Variants in LGR5 observed in about 807,000 individuals in gnomAD.
LGR5 encodes the protein leucine rich repeat containing G protein-coupled receptor 5.
Under a neutral mutation model 76.7 loss-of-function variants are expected in LGR5, and 54 were observed. The ratio of observed to expected loss-of-function variants is 0.70; its 90% CI spans 0.57 to 0.88. The LOEUF (loss-of-function observed/expected upper bound fraction) is 0.88, where lower values mean the gene tolerates loss of function less well. Among genes scored for constraint, LGR5 ranks in the 40% least tolerant of loss-of-function variants. The pLI, the probability that LGR5 is intolerant of heterozygous loss-of-function variation, is 0.00. For synonymous variants in LGR5, 406 were observed against 421.9 expected, an observed-to-expected ratio of 0.96 and a Z score of 0.46; for missense variants, 1,078 against 1,073.3, an observed-to-expected ratio of 1.00 and a Z score of -0.06.
chr12:71,444,856 A>G (rs1398815990), intron 1 of LGR5, among the ~76,000 whole-genome samples: 1 of 152,192 alleles, frequency 6.6e-6, no homozygotes, highest in African/African-American at 2.4e-5. Flanking sequence ...CCAAACAATT[A>G]ACCCAATAAA....
intron 2 of LGR5, among the ~76,000 whole-genome samples, chr12:71,519,693 T>C (rs1224984070): frequency 6.6e-6 from 1 of 151,478 alleles, no homozygotes; most frequent in African/African-American, 2.4e-5. Flanking sequence ...AGGCATGGTG[T>C]CATGTGCCTG....
At chr12:71,508,677 C>T (rs1054252488) in intron 2 of LGR5, among the ~76,000 whole-genome samples, 7 of 142,452 alleles carry the variant, frequency 4.9e-5, no homozygotes, top group African/African-American at 1.8e-4. Context: ...TCGCTTGAAC[C>T]TGGGAGACAG....
At chr12:71,571,436 G>A (rs1878605794) in intron 11 of LGR5, 78 bp from the exon 12 acceptor site, 2 of 1,071,332 alleles carry the variant, frequency 1.9e-6, no homozygotes, top group South Asian at 1.4e-5. Context: ...ACATCTTGGA[G>A]GGAAAAGGAG....
At chr12:71,451,179 G>A (rs1378868898) in intron 1 of LGR5, among the ~76,000 whole-genome samples, 1 of 152,194 alleles carries the variant, frequency 6.6e-6, no homozygotes, top group Non-Finnish European at 1.5e-5. Context: ...GAATGGAAGT[G>A]GGGTGCAGAT....
chr12:71,524,638 C>T lies in LGR5; in HGVS notation c.356+161C>T, dbSNP rs1345741332. ...ATTGGTACCATACAGCCATATCACA[C>T]TTGGCTAAATTTGTATGTGAAAAAA... On this transcript the variant is annotated intron_variant, in intron 3 of 17. Coordinates refer to ENST00000266674, the MANE Select transcript of LGR5 (RefSeq NM_003667.4). 2.6e-5 allele frequency among the ~76,000 whole-genome samples: 4 copies of T among 152,230 alleles called. No individual in the cohort carries two copies. In the East Asian group the frequency reaches 7.7e-4, roughly 29 times the overall value.
At chr12:71,540,348 G>A (rs986792456) in intron 4 of LGR5, among the ~76,000 whole-genome samples, 7 of 152,102 alleles carry the variant, frequency 4.6e-5, no homozygotes, top group East Asian at 1.9e-4. Flanking sequence ...TTGCATAATC[G>A]CAAAGGTAAT....
intron 17 of LGR5, 88 bp downstream of exon 17, chr12:71,582,627 C>A: frequency 1.0e-6 from 1 of 975,174 alleles, no homozygotes; most frequent in South Asian, 1.4e-5. Flanking sequence ...CTTTAAAAGC[C>A]GAATCTGTGC....
chr12:71,485,722 C>G (rs770080463), intron 1 of LGR5, among the ~76,000 whole-genome samples: 7 of 151,788 alleles, frequency 4.6e-5, no homozygotes, highest in African/African-American at 7.3e-5. Flanking sequence ...AGAGCAAGAC[C>G]CTGTCTCAAA....
At chr12:71,508,538 G>A (rs1466875277) in intron 2 of LGR5, among the ~76,000 whole-genome samples, 1 of 152,042 alleles carries the variant, frequency 6.6e-6, no homozygotes, top group African/African-American at 2.4e-5. Context: ...GGTGGATCAT[G>A]AGGTCAAGAG....
intron 3 of LGR5, among the ~76,000 whole-genome samples, chr12:71,529,057 A>G (rs995409130): frequency 3.3e-5 from 5 of 152,298 alleles, no homozygotes; most frequent in African/African-American, 1.2e-4. Context: ...CTCAATTGTG[A>G]GTGTCACACT....
At chr12:71,543,870 A>T (rs139967938) in intron 4 of LGR5, among the ~76,000 whole-genome samples, 28 of 152,344 alleles carry the variant, frequency 1.8e-4, no homozygotes, top group African/African-American at 5.8e-4. Flanking sequence ...AGATTCAAAA[A>T]TGACCCCTAG....
intron 1 of LGR5, among the ~76,000 whole-genome samples, chr12:71,492,148 G>A (rs1397790941): frequency 6.6e-6 from 1 of 152,060 alleles, no homozygotes; most frequent in Non-Finnish European, 1.5e-5. Context: ...AGATATTGGG[G>A]TACTCCAGAA....
At chr12:71,524,206 A>G (rs756570463) in intron 2 of LGR5, among the ~76,000 whole-genome samples, 200 bp from the exon 3 acceptor site, 6 of 152,210 alleles carry the variant, frequency 3.9e-5, no homozygotes, top group Non-Finnish European at 7.3e-5. Flanking sequence ...AATTTATTAC[A>G]TTTCTTTTTA....
At chr12:71,503,122 A>G (rs1189952079) in intron 1 of LGR5, among the ~76,000 whole-genome samples, 4 of 152,052 alleles carry the variant, frequency 2.6e-5, no homozygotes, top group Non-Finnish European at 5.9e-5. Flanking sequence ...CAGAGATTCT[A>G]TAATCACTGT....
In LGR5 at chr12:71,523,490, A is replaced by C. The variant is rs574387422; in HGVS notation, c.285-916A>C. Among the ~76,000 whole-genome samples the C allele has an allele frequency of 2.6e-5, 4 of 152,298 alleles. No individual in the cohort carries two copies. In the South Asian group the frequency reaches 8.3e-4, roughly 32 times the overall value. ...ATAAACCATCTCTAAAAAAGAAAAA[A>C]AAGAAAAAGAAAAAAGGGCAAAGGT... On this transcript the variant is annotated intron_variant, in intron 2 of 17. Coordinates refer to ENST00000266674, the MANE Select transcript of LGR5 (RefSeq NM_003667.4).
At chr12:71,466,955 G>A (rs1872891416) in intron 1 of LGR5, among the ~76,000 whole-genome samples, 1 of 151,822 alleles carries the variant, frequency 6.6e-6, no homozygotes. Flanking sequence ...TGTAAGGTAG[G>A]GTATGAATGC....
intron 1 of LGR5, among the ~76,000 whole-genome samples, chr12:71,498,947 C>A (rs966318990): frequency 6.6e-6 from 1 of 152,176 alleles, no homozygotes; most frequent in Non-Finnish European, 1.5e-5. Context: ...CAGCAGTTCC[C>A]ATGGGAGTAA....
At chr12:71,561,919 C>A in intron 8 of LGR5, 67 bp downstream of exon 8, 1 of 929,952 alleles carries the variant, frequency 1.1e-6, no homozygotes, top group Non-Finnish European at 1.6e-6. Context: ...CTTTGAAATA[C>A]AATGAATATT....
At chr12:71,463,716 C>T (rs1872758558) in intron 1 of LGR5, among the ~76,000 whole-genome samples, 1 of 152,074 alleles carries the variant, frequency 6.6e-6, no homozygotes. Flanking sequence ...ATTGATCATT[C>T]TACTGTATAC....
Sources: allele counts gnomAD v4.1 joint callset (sites outside exome capture counted in the v4.1 genomes callset), GRCh38; gene constraint gnomAD v4.1.1; transcripts MANE v1.5; gene names NCBI Gene and HGNC (gene_info 2026-07-23, HGNC 2026-07-21).